COG3: variants seen among roughly 807,000 people sequenced by gnomAD.
The protein encoded by COG3 is conserved oligomeric Golgi complex subunit 3.
A neutral mutation model predicts 114.1 loss-of-function variants in COG3; 32 were observed. The ratio of observed to expected loss-of-function variants is 0.28; its 90% CI spans 0.21 to 0.38. The LOEUF (loss-of-function observed/expected upper bound fraction) is 0.38. Ranked by LOEUF, COG3 falls within the 10% of genes least tolerant of loss-of-function variation. The pLI is 1.00. For synonymous variants in COG3, 352 were observed against 365.7 expected (o/e 0.96, Z 0.43); for missense variants, 813 against 973.2 (o/e 0.84, Z 2.19).
chr13:45,501,711 G>C (rs548823059), intron 13 of COG3, among the ~76,000 whole-genome samples: 28 of 152,278 alleles, frequency 1.8e-4, no homozygotes, highest in Middle Eastern at 3.4e-3. Flanking sequence ...TCTCTCAGGT[G>C]CTGGCATAGA....
At chr13:45,528,245 AG>A (rs1365648980) in intron 20 of COG3, among the ~76,000 whole-genome samples, 2 of 152,210 alleles carry the variant, frequency 1.3e-5, no homozygotes, top group Non-Finnish European at 2.9e-5. Flanking sequence ...GCATTGATCT[AG>A]GGTGGGCACG....
At chr13:45,491,617 A>C in intron 10 of COG3, 79 bp downstream of exon 10, 1 of 1,374,998 alleles carries the variant, frequency 7.3e-7, no homozygotes, top group Non-Finnish European at 9.8e-7. Context: ...ATACCTGGTT[A>C]AATAAGATTT....
At chr13:45,478,650 G>A (rs1183894211) in intron 2 of COG3, among the ~76,000 whole-genome samples, 5 of 151,764 alleles carry the variant, frequency 3.3e-5, no homozygotes, top group Non-Finnish European at 7.4e-5. Context: ...CACTACGCCT[G>A]GCTAATTTTT....
rs541007513 is a variant in COG3 at position 45,483,888 on chromosome 13, CAAAG to C, written c.843+535_843+538del. 3.0e-3 allele frequency among the ~76,000 whole-genome samples: 454 copies of C among 152,026 alleles called. 1 individual carries two copies. The highest frequency in any genetic ancestry group is 4.9e-3 in the Non-Finnish European group (330 of 67,958). ...TATTATATTAGGAATTGTATAGAAA[CAAAG>C]AGGCGCTAATAAGGTCCCTGCCCTC... On this transcript the variant is annotated intron_variant, in intron 7 of 22. Coordinates refer to ENST00000349995, the MANE Select transcript of COG3 (RefSeq NM_031431.4).
chr13:45,498,431 C>G (rs71431380), intron 13 of COG3, among the ~76,000 whole-genome samples: 8,170 of 142,014 alleles, frequency 0.058, 271 homozygotes, highest in East Asian at 0.11. Context: ...GCCATCTTGG[C>G]TTACTGCAAC....
At chr13:45,492,031 G>A (rs907814868) in intron 10 of COG3, 128 bp from the exon 11 acceptor site, 7 of 527,452 alleles carry the variant, frequency 1.3e-5, no homozygotes, top group African/African-American at 6.0e-5. Context: ...ACCATTTTCC[G>A]TTCTTCAGTA....
intron 16 of COG3, among the ~76,000 whole-genome samples, chr13:45,513,949 T>C (rs772058741): frequency 9.2e-5 from 14 of 152,128 alleles, no homozygotes; most frequent in Non-Finnish European, 1.8e-4. Flanking sequence ...TCAGATAATA[T>C]GGTATGACTA....
intron 10 of COG3, among the ~76,000 whole-genome samples, chr13:45,491,894 G>A (rs763189922): frequency 2.6e-5 from 4 of 152,148 alleles, no homozygotes; most frequent in East Asian, 1.9e-4. Context: ...ATGCATAAGC[G>A]CTCTTTTTTG....
chr13:45,529,513 A>G (rs933524499), intron 20 of COG3, among the ~76,000 whole-genome samples: 4 of 151,920 alleles, frequency 2.6e-5, no homozygotes, highest in African/African-American at 9.7e-5. Context: ...CCAAAGGTAC[A>G]TATTACAGCT....
intron 20 of COG3, among the ~76,000 whole-genome samples, chr13:45,525,633 G>GTTTTTTTTT (rs1566273037): frequency 1.4e-4 from 2 of 13,918 alleles, no homozygotes; most frequent in African/African-American, 7.2e-4. Flanking sequence ...GAGGGCTTTG[G>GTTTTTTTTT]GTTTTTTTTT....
At position 45,483,294 on chromosome 13, in the gene COG3, A is replaced by G. The variant is rs775112692; in HGVS notation, c.782A>G (p.His261Arg). ...KFKQCLSKAL[H>R]LMKTYTVNTL... ...AAACAGTGTCTTTCTAAAGCTTTGC[A>G]CCTCATGAAGACATATACTGTGAAC... The change falls in exon 7 of 23, where the codon CAC becomes CGC. Residue 261 changes from histidine to arginine, a missense_variant. His to Arg is a conservative substitution (Grantham distance 29). Transcript: ENST00000349995. 4.9e-5 allele frequency: 78 copies of G among 1,590,070 alleles called. No homozygotes were observed. The highest frequency in any genetic ancestry group is 5.5e-5 in the Non-Finnish European group (64 of 1,158,586).
intron 19 of COG3, among the ~76,000 whole-genome samples, chr13:45,522,311 C>T (rs374770660): frequency 3.9e-5 from 6 of 151,966 alleles, no homozygotes; most frequent in African/African-American, 7.3e-5. Flanking sequence ...GATGTATTAC[C>T]GTGTAGAGAA....
intron 19 of COG3, among the ~76,000 whole-genome samples, chr13:45,523,440 T>C (rs1048214403): frequency 2.6e-5 from 4 of 152,180 alleles, no homozygotes; most frequent in Non-Finnish European, 4.4e-5. Flanking sequence ...AGCAATGTTA[T>C]TGTGAGACGA....
intron 19 of COG3, among the ~76,000 whole-genome samples, chr13:45,523,103 A>G (rs1280597289): frequency 4.0e-5 from 6 of 151,644 alleles, no homozygotes; most frequent in Admixed American, 2.0e-4. Flanking sequence ...AAATTAAGGC[A>G]TTTTAAAGGA....
intron 16 of COG3, among the ~76,000 whole-genome samples, chr13:45,515,120 T>C (rs928301013): frequency 5.3e-5 from 8 of 152,260 alleles, no homozygotes; most frequent in Non-Finnish European, 1.2e-4. Context: ...AAAATCTATA[T>C]GATACAATTT....
intron 17 of COG3, among the ~76,000 whole-genome samples, chr13:45,517,277 T>C (rs1871635337): frequency 6.6e-6 from 1 of 152,156 alleles, no homozygotes; most frequent in Admixed American, 6.5e-5. Context: ...GAACCCCAAA[T>C]ATAGGATGTT....
chr13:45,464,982 C>T lies in COG3; in HGVS notation c.-55C>T, dbSNP rs1885036123. 2 of 1,525,438 alleles carry T rather than the reference C, an allele frequency of 1.3e-6. No individual in the cohort carries two copies. Among genetic ancestry groups the T allele is most frequent in the Non-Finnish European group, 1.8e-6 (2 of 1,138,952 alleles). 94.5% of individuals were successfully genotyped at this position (1,525,438 alleles called of 1,614,324 possible). ...GTTCTCCCGGAAGTGGCCCAGGTCT[C>T]TCTGTCGGGGTCCCCTCCATCTCGC... is the stretch of plus-strand genomic sequence containing the variant. On this transcript the variant is annotated 5_prime_UTR_variant, in exon 1 of 23. Transcript: ENST00000349995.
chr13:45,497,390 T>C (rs943583210), intron 13 of COG3, among the ~76,000 whole-genome samples: 2 of 152,214 alleles, frequency 1.3e-5, no homozygotes, highest in Non-Finnish European at 2.9e-5. Context: ...TGATGAACTC[T>C]TAGGTACCAT....
intron 1 of COG3, chr13:45,466,441 G>A: frequency 6.6e-6 from 1 of 152,102 alleles, no homozygotes; most frequent in South Asian, 2.1e-4. Context: ...TGATTTAAAC[G>A]TTCTCTTCAC....
Sources: gnomAD v4.1 joint callset for allele counts (sites outside exome capture counted in the v4.1 genomes callset) on GRCh38, gnomAD v4.1.1 for gene constraint, MANE v1.5 for transcripts, NCBI Gene and HGNC (gene_info 2026-07-23, HGNC 2026-07-21) for gene names.